Variants in TRDN observed in about 807,000 individuals in gnomAD.
TRDN encodes the protein triadin.
TRDN carries 161 observed loss-of-function variants against 149.7 expected under a neutral mutation model. The observed-to-expected ratio is 1.08, with a 90% CI of 0.95 to 1.23. TRDN has a LOEUF of 1.23. Ranked by LOEUF, TRDN falls within the 50% of genes most tolerant of loss-of-function variation. TRDN has a pLI of 0.00. For missense variants in TRDN, 896 were observed against 823.5 expected (o/e 1.09, Z -1.08); for synonymous variants, 294 against 250.5 (o/e 1.17, Z -1.64).
chr6:123,532,191 A>C (rs1034759431), intron 4 of TRDN, among the ~76,000 whole-genome samples: 1 of 152,112 alleles, frequency 6.6e-6, no homozygotes, highest in Non-Finnish European at 1.5e-5. Flanking sequence ...TAGATTACAA[A>C]AACTTAGAAT....
chr6:123,630,974 C>T (rs901643528), intron 1 of TRDN, among the ~76,000 whole-genome samples: 1 of 151,912 alleles, frequency 6.6e-6, no homozygotes, highest in African/African-American at 2.4e-5. Flanking sequence ...AGTGCCTGAA[C>T]CCCAATTTCT....
intron 4 of TRDN, among the ~76,000 whole-genome samples, chr6:123,532,577 C>T (rs1024139769): frequency 6.6e-6 from 1 of 151,934 alleles, no homozygotes; most frequent in Admixed American, 6.6e-5. Context: ...CCCTTCCTGA[C>T]TTCCTGTCAT....
intron 12 of TRDN, among the ~76,000 whole-genome samples, chr6:123,428,389 T>A (rs1272597889): frequency 6.6e-6 from 1 of 152,156 alleles, no homozygotes; most frequent in African/African-American, 2.4e-5. Flanking sequence ...CAAGAGAGGA[T>A]ATAGGGCAGC....
In TRDN at chr6:123,585,118, A is replaced by C. The variant is rs373442675; in HGVS notation, c.23-13986T>G. ...TGATCGGTTGCCAAGGAGGGAGTAG[A>C]GGTATCTTATACTTGTGGGTTAAGG... On this transcript the variant is annotated intron_variant, in intron 1 of 40. Coordinates refer to ENST00000334268, the MANE Select transcript of TRDN (RefSeq NM_006073.4). Among the ~76,000 whole-genome samples the C allele has an allele frequency of 7.4e-5, 11 of 148,272 alleles. 1 individual carries two copies. The East Asian group carries it at 1.5e-3, about 20-fold the overall frequency.
chr6:123,438,203 G>T (rs952431188), intron 11 of TRDN, 81 bp from the exon 12 acceptor site: 1 of 968,312 alleles, frequency 1.0e-6, no homozygotes, highest in Non-Finnish European at 1.5e-6. Context: ...TACCAGTGAG[G>T]CATCTAATTT....
At chr6:123,629,454 A>G (rs1785856692) in intron 1 of TRDN, among the ~76,000 whole-genome samples, 1 of 152,168 alleles carries the variant, frequency 6.6e-6, no homozygotes, top group Admixed American at 6.6e-5. Flanking sequence ...CTGGTTTGTC[A>G]CAATGAGTTC....
Position 123,548,440 on chromosome 6 carries a change from T to C in TRDN, c.391+14A>G. On this transcript the variant is annotated intron_variant, in intron 3 of 40. Transcript: ENST00000334268. ...TGCTCCTAGCAGTTAGATATATCTCTATGTTCTTTGTACCTTTATCAGTAT... is the reference window on the plus strand; with the variant it reads ...TGCTCCTAGCAGTTAGATATATCTCCATGTTCTTTGTACCTTTATCAGTAT... 6.6e-7 allele frequency: 1 copy of C among 1,521,482 alleles called. No homozygotes were observed. Among genetic ancestry groups the C allele is most frequent in the Non-Finnish European group, 8.8e-7 (1 of 1,136,180 alleles). The allele number at this position is 1,521,482 out of a possible 1,614,324, so 94.2% of individuals were successfully genotyped here.
At chr6:123,458,311 G>T (rs1427500606) in intron 10 of TRDN, among the ~76,000 whole-genome samples, 1 of 152,186 alleles carries the variant, frequency 6.6e-6, no homozygotes, top group Non-Finnish European at 1.5e-5. Context: ...TTTGATCAAA[G>T]ATAAGTCTAG....
chr6:123,497,250 G>A lies in TRDN; in HGVS notation c.796C>T (p.Gln266Ter). 6.5e-7 allele frequency: 1 copy of A among 1,530,186 alleles called. No homozygotes were observed. Among genetic ancestry groups the A allele is most frequent in the East Asian group, 2.5e-5 (1 of 40,146 alleles). The allele number at this position is 1,530,186 out of a possible 1,614,324, so 94.8% of individuals were successfully genotyped here. A position where few individuals can be genotyped will look rare whatever the true frequency, so the allele number is the denominator to read the frequency against. Residue 266 changes from glutamine to a stop codon, truncating the protein, a stop_gained and splice_region_variant, in exon 9 of 41, where the codon CAG becomes TAG. Coordinates refer to ENST00000334268, the MANE Select transcript of TRDN (RefSeq NM_006073.4). LOFTEE classifies it high-confidence loss of function. ...AAVSKHEQKD[Q>*]YAFCRYMIDI... Reference sequence around the variant, plus strand: ...ATCATATATCGACAGAATGCATACTGATCTGACAGAGTAGAAAGAAAAAGA... The same window carrying A: ...ATCATATATCGACAGAATGCATACTAATCTGACAGAGTAGAAAGAAAAAGA...
intron 12 of TRDN, among the ~76,000 whole-genome samples, chr6:123,412,565 T>C (rs1170699250): frequency 6.6e-6 from 1 of 152,178 alleles, no homozygotes; most frequent in African/African-American, 2.4e-5. Context: ...ATTTAGAATT[T>C]CATTGTGGTA....
chr6:123,475,676 C>T (rs1414657979), intron 9 of TRDN, among the ~76,000 whole-genome samples: 9 of 113,042 alleles, frequency 8.0e-5, no homozygotes, highest in Admixed American at 1.9e-4. Context: ...ACTGGCAAAA[C>T]GAATCCAGCA....
intron 1 of TRDN, among the ~76,000 whole-genome samples, chr6:123,606,433 T>C (rs181833898): frequency 6.6e-6 from 1 of 152,182 alleles, no homozygotes; most frequent in East Asian, 1.9e-4. Flanking sequence ...TGTGTGTATG[T>C]GTGTGATGGA....
intron 14 of TRDN, among the ~76,000 whole-genome samples, 170 bp from the exon 15 acceptor site, chr6:123,382,317 A>C (rs1781752977): frequency 6.6e-6 from 1 of 151,660 alleles, no homozygotes; most frequent in Middle Eastern, 3.2e-3. Flanking sequence ...TGTGGGAATA[A>C]GTATTAGAGT....
intron 9 of TRDN, among the ~76,000 whole-genome samples, chr6:123,480,296 T>TAAGTAAAACTTC (rs1287339860): frequency 5.9e-5 from 9 of 151,676 alleles, no homozygotes; most frequent in Non-Finnish European, 1.0e-4. Context: ...CACAAAACTT[T>TAAGTAAAACTTC]AAGTAAAACT....
intron 12 of TRDN, among the ~76,000 whole-genome samples, chr6:123,396,383 C>A (rs79910276): frequency 6.6e-6 from 1 of 152,134 alleles, no homozygotes; most frequent in African/African-American, 2.4e-5. Flanking sequence ...AAAATTTCAT[C>A]ATATCAAATG....
rs762204697 is a variant in TRDN at position 123,464,972 on chromosome 6, C to T, written c.865G>A (p.Ala289Thr). Reference sequence around the variant, plus strand: ...TCTGTCGGTAAGGGAGGTGGAATGGCTGGGCTTTGTCCTACACAATGTAGA... The same window carrying T: ...TCTGTCGGTAAGGGAGGTGGAATGGTTGGGCTTTGTCCTACACAATGTAGA... ...HGDLKPGQSP[A>T]IPPPLPTEQA... Residue 289 changes from alanine to threonine, a missense_variant, in exon 10 of 41, where the codon GCC becomes ACC. Transcript: ENST00000334268. 2.5e-6 allele frequency: 4 copies of T among 1,595,320 alleles called. No homozygotes were observed. Among genetic ancestry groups the T allele is most frequent in the Non-Finnish European group, 3.4e-6 (4 of 1,170,578 alleles).
chr6:123,583,126 ATTAT>A (rs150891399), intron 1 of TRDN, among the ~76,000 whole-genome samples: 31,088 of 151,780 alleles, frequency 0.2, 3,979 homozygotes, highest in East Asian at 0.5. Flanking sequence ...GCCAGCAAAG[ATTAT>A]TTATTTACTT....
At chr6:123,312,533 T>C (rs1280317585) in intron 24 of TRDN, among the ~76,000 whole-genome samples, 1 of 151,964 alleles carries the variant, frequency 6.6e-6, no homozygotes, top group Non-Finnish European at 1.5e-5. Context: ...GTGCATCCAG[T>C]TTATATTACC....
chr6:123,300,761 A>G (rs1233327482), intron 24 of TRDN, among the ~76,000 whole-genome samples: 1 of 152,028 alleles, frequency 6.6e-6, no homozygotes, highest in Admixed American at 6.6e-5. Context: ...ATGTAGCAAC[A>G]TTTAATTCTG....
Sources: allele counts gnomAD v4.1 joint callset (sites outside exome capture counted in the v4.1 genomes callset), GRCh38; gene constraint gnomAD v4.1.1; transcripts MANE v1.5; gene names NCBI Gene and HGNC (gene_info 2026-07-23, HGNC 2026-07-21).